Variants in ESYT2 observed in about 807,000 individuals in gnomAD.
ESYT2 encodes the protein extended synaptotagmin 2, also known as extended synaptotagmin-2.
Under a neutral mutation model 107.2 loss-of-function variants are expected in ESYT2, and 54 were observed. The ratio of observed to expected loss-of-function variants is 0.50; its 90% CI spans 0.40 to 0.63. The LOEUF (loss-of-function observed/expected upper bound fraction) is 0.63. Ranked by LOEUF, ESYT2 falls within the 30% of genes least tolerant of loss-of-function variation. The pLI, the probability that ESYT2 is intolerant of heterozygous loss-of-function variation, is 0.00. For synonymous variants in ESYT2, 491 were observed against 434.1 expected, an observed-to-expected ratio of 1.13 and a Z score of -1.63; for missense variants, 1,020 against 1,094.5, an observed-to-expected ratio of 0.93 and a Z score of 0.96.
chr7:158,741,466 G>A (rs1214384652), intron 18 of ESYT2, 57 bp downstream of exon 18: 10 of 1,383,234 alleles, frequency 7.2e-6, no homozygotes, highest in South Asian at 4.2e-5. Flanking sequence ...CTCCCCCAGC[G>A]TGGGGTGGGG....
Position 158,829,126 on chromosome 7 carries a change from A to C in ESYT2, c.293T>G (p.Val98Gly), listed in dbSNP as rs1322799466. ...LALLEDEERV[V>G]RLGVRACDLP... ...GTCGCAGGCGCGCACCCCCAGGCGC[A>C]CGACGCGCTCCTCGTCTTCCAGCAG... The change falls in exon 1 of 23, where the codon GTG becomes GGG. Residue 98 changes from valine to glycine, a missense_variant. Val to Gly is a moderately radical substitution (Grantham distance 109, BLOSUM62 -3). Coordinates refer to ENST00000275418, the MANE Select transcript of ESYT2 (RefSeq NM_001367773.1). 1 of 1,575,480 alleles carries C rather than the reference A, an allele frequency of 6.3e-7. No homozygotes were observed. Among genetic ancestry groups the C allele is most frequent in the Non-Finnish European group, 8.5e-7 (1 of 1,170,050 alleles).
intron 1 of ESYT2, among the ~76,000 whole-genome samples, chr7:158,801,247 A>G (rs558408443): frequency 3.7e-4 from 56 of 152,110 alleles, no homozygotes; most frequent in African/African-American, 1.3e-3. Context: ...GGCTTGTATT[A>G]GAATTTACTG....
intron 4 of ESYT2, among the ~76,000 whole-genome samples, chr7:158,792,855 G>A (rs2602550): frequency 0.67 from 96,826 of 145,464 alleles, 33,943 homozygotes; most frequent in Non-Finnish European, 0.78. Flanking sequence ...TGCAAGCTCC[G>A]CCTCCCAGGT....
intron 3 of ESYT2, among the ~76,000 whole-genome samples, chr7:158,797,189 C>G (rs1215418390): frequency 6.6e-6 from 1 of 152,348 alleles, no homozygotes; most frequent in East Asian, 1.9e-4. Context: ...CTCTGTCACT[C>G]AGGCTGGAAT....
At chr7:158,788,125 TA>T in intron 5 of ESYT2, 32 bp from the exon 6 acceptor site, 1 of 1,570,720 alleles carries the variant, frequency 6.4e-7, no homozygotes, top group Non-Finnish European at 8.8e-7. Context: ...AAATATGTAA[TA>T]GAAAACATTC....
intron 7 of ESYT2, among the ~76,000 whole-genome samples, chr7:158,771,652 C>A (rs1033604275): frequency 1.3e-5 from 2 of 152,124 alleles, no homozygotes; most frequent in African/African-American, 4.8e-5. Context: ...GCGAGAGAGC[C>A]CTTATGGTGC....
chr7:158,828,322 T>C (rs1438693905), intron 1 of ESYT2, among the ~76,000 whole-genome samples: 1 of 152,226 alleles, frequency 6.6e-6, no homozygotes, highest in East Asian at 1.9e-4. Context: ...ACCCGGAGCA[T>C]TTCCAGGCCG....
chr7:158,816,740 T>G (rs956380103), intron 1 of ESYT2, among the ~76,000 whole-genome samples: 10 of 152,144 alleles, frequency 6.6e-5, no homozygotes, highest in African/African-American at 2.4e-4. Flanking sequence ...TTTTAAAACT[T>G]TGCTTCACAC....
chr7:158,751,801 T>C (rs150332447), intron 14 of ESYT2, among the ~76,000 whole-genome samples: 91 of 152,304 alleles, frequency 6.0e-4, no homozygotes, highest in African/African-American at 2.1e-3. Flanking sequence ...ACAGTCTGAT[T>C]TCAGGGCCTT....
chr7:158,818,988 A>G (rs1360320408), intron 1 of ESYT2, among the ~76,000 whole-genome samples: 1 of 152,232 alleles, frequency 6.6e-6, no homozygotes, highest in African/African-American at 2.4e-5. Flanking sequence ...CCAATTCAAC[A>G]AATCATCATG....
chr7:158,823,343 T>TA (rs1176330668), intron 1 of ESYT2, among the ~76,000 whole-genome samples: 4 of 148,344 alleles, frequency 2.7e-5, no homozygotes, highest in African/African-American at 5.0e-5. Context: ...TTTTTTTTTT[T>TA]AGAGACGGAC....
chr7:158,780,992 G>A lies in ESYT2; in HGVS notation c.747+7012C>T, dbSNP rs116573526. ...TGTGTAAATCTATGTGAGAAAGAGG[G>A]ACAGAGAACTAATGTGAGAATGAGC... On this transcript the variant is annotated intron_variant, in intron 6 of 22. Transcript: ENST00000275418. 4.7e-3 allele frequency among the ~76,000 whole-genome samples: 723 copies of A among 152,226 alleles called. 6 individuals are homozygous for A. Among genetic ancestry groups the A allele is most frequent in the African/African-American group, 0.016 (659 of 41,558 alleles).
At chr7:158,748,131 A>G (rs1837465366) in intron 16 of ESYT2, 63 bp downstream of exon 16, 1 of 1,494,992 alleles carries the variant, frequency 6.7e-7, no homozygotes, top group South Asian at 1.1e-5. Flanking sequence ...AACTCAGCAA[A>G]TTGTATACTT....
At chr7:158,759,624 G>A in intron 12 of ESYT2, 43 bp from the exon 13 acceptor site, 1 of 1,497,166 alleles carries the variant, frequency 6.7e-7, no homozygotes. Flanking sequence ...TGTTTCCACA[G>A]GATTAGATAC....
chr7:158,784,158 A>C (rs559558962), intron 6 of ESYT2, among the ~76,000 whole-genome samples: 1 of 152,288 alleles, frequency 6.6e-6, no homozygotes, highest in South Asian at 2.1e-4. Context: ...GGGGGTGGGC[A>C]AGACTGTCCA....
At chr7:158,781,098 A>T (rs1246187550) in intron 6 of ESYT2, among the ~76,000 whole-genome samples, 1 of 150,658 alleles carries the variant, frequency 6.6e-6, no homozygotes, top group Non-Finnish European at 1.5e-5. Context: ...TGTGAGACAC[A>T]ACATGTCAGA....
chr7:158,778,320 T>C (rs978053370), intron 6 of ESYT2, among the ~76,000 whole-genome samples: 4 of 152,158 alleles, frequency 2.6e-5, no homozygotes, highest in Non-Finnish European at 1.5e-5. Flanking sequence ...CTTGTTAAAA[T>C]ATTTGGGTGA....
chr7:158,775,364 A>G (rs1838524107), intron 6 of ESYT2, among the ~76,000 whole-genome samples: 1 of 128,584 alleles, frequency 7.8e-6, no homozygotes, highest in Admixed American at 8.8e-5. Flanking sequence ...CTTTCAAAAA[A>G]GATTTCTCTG....
At chr7:158,794,967 G>A (rs527783055) in intron 3 of ESYT2, among the ~76,000 whole-genome samples, 3 of 152,202 alleles carry the variant, frequency 2.0e-5, no homozygotes, top group South Asian at 4.1e-4. Context: ...TGTACAGACT[G>A]CACTAAAAAA....
Sources: allele counts gnomAD v4.1 joint callset (sites outside exome capture counted in the v4.1 genomes callset), GRCh38; gene constraint gnomAD v4.1.1; transcripts MANE v1.5; gene names NCBI Gene and HGNC (gene_info 2026-07-23, HGNC 2026-07-21).